The following MCC variants were observed in gnomAD, a reference collection of about 807,000 sequenced individuals.
MCC encodes MCC regulator of Wnt signaling pathway, also known as colorectal mutant cancer protein.
A neutral mutation model predicts 116.2 loss-of-function variants in MCC; 90 were observed. The observed-to-expected ratio is 0.77, with a 90% CI of 0.65 to 0.92. MCC has a LOEUF of 0.92. Ranked by LOEUF, MCC falls within the 40% of genes least tolerant of loss-of-function variation. The probability of loss-of-function intolerance (pLI) is 0.00; values close to 1 mark genes in which losing one functional copy is unlikely to be tolerated. For missense variants in MCC, 1,516 were observed against 1,312.2 expected (o/e 1.16, Z -2.40); for synonymous variants, 578 against 510.5 (o/e 1.13, Z -1.78).
At chr5:113,487,246 T>A (rs67103739) in intron 1 of MCC, among the ~76,000 whole-genome samples, 31,570 of 151,440 alleles carry the variant, frequency 0.21, 3,835 homozygotes, top group Admixed American at 0.33. Context: ...AGCCCCGGAT[T>A]TTCAGAAACG....
chr5:113,256,491 G>A (rs1429040040), intron 3 of MCC, among the ~76,000 whole-genome samples: 1 of 152,160 alleles, frequency 6.6e-6, no homozygotes. Flanking sequence ...AAACATAGCT[G>A]GAGTGGATTC....
intron 1 of MCC, among the ~76,000 whole-genome samples, chr5:113,482,065 G>T (rs1200775539): frequency 6.6e-6 from 1 of 152,070 alleles, no homozygotes; most frequent in Non-Finnish European, 1.5e-5. Context: ...TGTTTTCAAG[G>T]TTCATCCTTG....
At chr5:113,180,493 C>T (rs1761570786) in intron 3 of MCC, among the ~76,000 whole-genome samples, 2 of 152,102 alleles carry the variant, frequency 1.3e-5, no homozygotes, top group African/African-American at 4.8e-5. Context: ...CAGGGTGCCT[C>T]GATGAGATGA....
At chr5:113,376,112 G>C (rs1768974869) in intron 2 of MCC, among the ~76,000 whole-genome samples, 2 of 152,130 alleles carry the variant, frequency 1.3e-5, no homozygotes, top group African/African-American at 4.8e-5. Context: ...TGGTAATATT[G>C]ATCTTTAACT....
intron 1 of MCC, among the ~76,000 whole-genome samples, chr5:113,413,279 T>C (rs190863054): frequency 1.3e-5 from 2 of 152,118 alleles, no homozygotes; most frequent in African/African-American, 4.8e-5. Context: ...AATGATGCTG[T>C]CCTCATAAAA....
At chr5:113,188,077 G>C (rs1391499776) in intron 3 of MCC, among the ~76,000 whole-genome samples, 1 of 152,142 alleles carries the variant, frequency 6.6e-6, no homozygotes, top group Non-Finnish European at 1.5e-5. Context: ...TTTTTGAAAA[G>C]GGGATGTAAA....
In MCC at chr5:113,026,492, C is replaced by A. The variant is rs1375508823; in HGVS notation, c.*810G>T. 6.6e-6 allele frequency: 1 copy of A among 152,222 alleles called. No homozygotes were observed. The highest frequency in any genetic ancestry group is 1.5e-5 in the Non-Finnish European group (1 of 68,052). The allele number at this position is 152,222 out of a possible 1,614,324, so 9.4% of individuals were successfully genotyped here. On this transcript the variant is annotated 3_prime_UTR_variant, in exon 19 of 19. Coordinates refer to ENST00000408903, the MANE Select transcript of MCC (RefSeq NM_001085377.2). ...CCCTGACAGAATTTTAGTTCCACTA[C>A]AGGTATCAAAAAGATTCCCAGCTCT...
chr5:113,043,858 C>T (rs922241988), intron 16 of MCC, among the ~76,000 whole-genome samples: 1 of 152,264 alleles, frequency 6.6e-6, no homozygotes, highest in African/African-American at 2.4e-5. Context: ...GTGGGGATGA[C>T]ACCCAGTATG....
At chr5:113,039,713 C>CAA (rs1359226492) in intron 17 of MCC, among the ~76,000 whole-genome samples, 6 of 146,454 alleles carry the variant, frequency 4.1e-5, no homozygotes, top group African/African-American at 1.6e-4. Flanking sequence ...CACTCCGCGC[C>CAA]CCCCCCCCCA....
Position 113,434,803 on chromosome 5 carries a change from G to T in MCC, c.171-49591C>A. On this transcript the variant is annotated intron_variant, in intron 1 of 18. Coordinates refer to ENST00000408903, the MANE Select transcript of MCC (RefSeq NM_001085377.2). The surrounding 1 kb of genome is among the most constrained non-coding windows in gnomAD (Gnocchi z 4.2). ...CCCTCTCCTAAATTTATCCCCAGGAGGTAGCCTCGTCGCTTGAGGACAGCA... is the reference window on the plus strand; with the variant it reads ...CCCTCTCCTAAATTTATCCCCAGGATGTAGCCTCGTCGCTTGAGGACAGCA... 6.2e-7 allele frequency: 1 copy of T among 1,612,608 alleles called. No individual in the cohort carries two copies. The highest frequency in any genetic ancestry group is 1.1e-5 in the South Asian group (1 of 91,066).
chr5:113,459,131 A>ATGTGTGTG (rs1491293367), intron 1 of MCC, among the ~76,000 whole-genome samples: 2 of 64,002 alleles, frequency 3.1e-5, no homozygotes, highest in Non-Finnish European at 6.2e-5. Context: ...AGGAGTAAGG[A>ATGTGTGTG]TATGTGTGTG....
intron 14 of MCC, among the ~76,000 whole-genome samples, chr5:113,060,851 T>C (rs985835524): frequency 6.6e-6 from 1 of 152,210 alleles, no homozygotes; most frequent in Non-Finnish European, 1.5e-5. Flanking sequence ...TCAAGGACTT[T>C]GGATAGACTC....
intron 1 of MCC, among the ~76,000 whole-genome samples, chr5:113,485,305 G>A (rs1272457583): frequency 6.6e-6 from 1 of 152,170 alleles, no homozygotes; most frequent in African/African-American, 2.4e-5. Flanking sequence ...CTTGAATGTG[G>A]ATTATCATGG....
chr5:113,306,390 G>A (rs573376936), intron 3 of MCC, among the ~76,000 whole-genome samples: 1 of 152,102 alleles, frequency 6.6e-6, no homozygotes, highest in Admixed American at 6.5e-5. Context: ...CATGTATGAG[G>A]GTTTCAATTT....
At chr5:113,132,465 CACACACACACACAT>C (rs1181344471) in intron 5 of MCC, among the ~76,000 whole-genome samples, 1 of 133,936 alleles carries the variant, frequency 7.5e-6, no homozygotes, top group African/African-American at 3.0e-5. Flanking sequence ...CACACACACA[CACACACACACACAT>C]ACATATATAT....
intron 3 of MCC, among the ~76,000 whole-genome samples, chr5:113,331,324 G>T (rs1042611116): frequency 6.6e-6 from 1 of 151,718 alleles, no homozygotes; most frequent in Non-Finnish European, 1.5e-5. Context: ...GTGACTCAGC[G>T]TCCACTAGCA....
intron 3 of MCC, among the ~76,000 whole-genome samples, chr5:113,192,936 T>C (rs1285768160): frequency 5.3e-5 from 8 of 152,252 alleles, no homozygotes; most frequent in South Asian, 2.1e-4. Context: ...ATGTTTATTG[T>C]CTACAGCTCT....
At chr5:113,057,680 G>A (rs983896009) in intron 14 of MCC, among the ~76,000 whole-genome samples, 4 of 152,236 alleles carry the variant, frequency 2.6e-5, no homozygotes, top group Non-Finnish European at 4.4e-5. Flanking sequence ...GCATCTCAGC[G>A]AAGGCCTGTC....
chr5:113,031,396 C>G (rs1750944105), intron 17 of MCC, among the ~76,000 whole-genome samples: 1 of 151,986 alleles, frequency 6.6e-6, no homozygotes, highest in Non-Finnish European at 1.5e-5. Context: ...AGGAGGGGGG[C>G]TCCTTTCCTC....
Sources: gnomAD v4.1 joint callset for allele counts (sites outside exome capture counted in the v4.1 genomes callset) on GRCh38, gnomAD v4.1.1 for gene constraint, Gnocchi (gnomAD v3.1) non-coding constraint, MANE v1.5 for transcripts, NCBI Gene and HGNC (gene_info 2026-07-23, HGNC 2026-07-21) for gene names.